The following DISC1 variants were observed in gnomAD, a reference collection of about 807,000 sequenced individuals.
DISC1 encodes the protein disrupted in schizophrenia 1 protein.
Under a neutral mutation model 84.5 loss-of-function variants are expected in DISC1, and 57 were observed. The ratio of observed to expected loss-of-function variants is 0.67; its 90% CI spans 0.55 to 0.84. The LOEUF is 0.84. Among genes scored for constraint, DISC1 ranks in the 40% least tolerant of loss-of-function variants. The pLI is 0.00. For synonymous variants in DISC1, 411 were observed against 415.2 expected (o/e 0.99, Z 0.12); for missense variants, 1,000 against 1,057.8 (o/e 0.95, Z 0.76).
At chr1:231,639,585 G>A (rs2059464622) in intron 1 of DISC1, among the ~76,000 whole-genome samples, 1 of 152,222 alleles carries the variant, frequency 6.6e-6, no homozygotes, top group African/African-American at 2.4e-5. Context: ...ACAACCGGCT[G>A]AGTGGCCAGG....
At chr1:231,739,284 C>A (rs1456617103) in intron 3 of DISC1, among the ~76,000 whole-genome samples, 1 of 152,186 alleles carries the variant, frequency 6.6e-6, no homozygotes, top group Non-Finnish European at 1.5e-5. Flanking sequence ...TATGAACATT[C>A]TCCAATAATC....
chr1:232,009,694 T>G lies in DISC1; in HGVS notation c.2307+645T>G. 1.4e-6 allele frequency: 1 copy of G among 732,714 alleles called. No individual in the cohort carries two copies. Among genetic ancestry groups the G allele is most frequent in the South Asian group, 6.2e-5 (1 of 16,030 alleles). The allele number at this position is 732,714 out of a possible 1,614,324, so 45.4% of individuals were successfully genotyped here. A position where few individuals can be genotyped will look rare whatever the true frequency, so the allele number is the denominator to read the frequency against. Reference sequence around the variant, plus strand: ...CCCCTCTTTCCTCTCTCCCTTCCCCTTCCACTCCTCACTTTCCTCCTCCCA... The same window carrying G: ...CCCCTCTTTCCTCTCTCCCTTCCCCGTCCACTCCTCACTTTCCTCCTCCCA... On this transcript the variant is annotated intron_variant, in intron 11 of 12. Coordinates refer to ENST00000439617, the MANE Select transcript of DISC1 (RefSeq NM_018662.3). The surrounding 1 kb of genome is among the most constrained non-coding windows in gnomAD (Gnocchi z 4.6).
intron 7 of DISC1, among the ~76,000 whole-genome samples, chr1:231,799,280 T>C (rs2078999466): frequency 6.6e-6 from 1 of 152,174 alleles, no homozygotes; most frequent in Admixed American, 6.6e-5. Flanking sequence ...AGCAAGTATC[T>C]ATCTGCCTTC....
chr1:231,664,012 C>G (rs540465762), intron 1 of DISC1, among the ~76,000 whole-genome samples: 1 of 150,238 alleles, frequency 6.7e-6, no homozygotes, highest in African/African-American at 2.5e-5. Context: ...TGTGCTAATG[C>G]CATATCTATC....
intron 10 of DISC1, among the ~76,000 whole-genome samples, chr1:231,985,044 G>A (rs1414841460): frequency 1.3e-5 from 2 of 152,218 alleles, no homozygotes; most frequent in African/African-American, 4.8e-5. Flanking sequence ...AAGTAGGCCG[G>A]CCATGGTGGC....
intron 3 of DISC1, among the ~76,000 whole-genome samples, chr1:231,749,549 A>AT (rs561105188): frequency 5.3e-5 from 8 of 152,110 alleles, no homozygotes; most frequent in Non-Finnish European, 8.8e-5. Flanking sequence ...TTGGGCACTG[A>AT]TTTTTTTTAA....
Position 232,038,603 on chromosome 1 carries a change from A to G in DISC1, c.*1772A>G, listed in dbSNP as rs1395236797. 2 of 152,128 alleles carry G rather than the reference A, an allele frequency of 1.3e-5. No individual in the cohort carries two copies. The highest frequency in any genetic ancestry group is 1.3e-4 in the Admixed American group (2 of 15,264). 9.4% of individuals were successfully genotyped at this position (152,128 alleles called of 1,614,324 possible). A position where few individuals can be genotyped will look rare whatever the true frequency, so the allele number is the denominator to read the frequency against. Reference sequence around the variant, plus strand: ...AATTTTTTTCATGTAACTCCTATTCATATCCCATAGATCTAGTATTGTACA... The same window carrying G: ...AATTTTTTTCATGTAACTCCTATTCGTATCCCATAGATCTAGTATTGTACA... On this transcript the variant is annotated 3_prime_UTR_variant, in exon 13 of 13. Transcript: ENST00000439617.
At chr1:231,984,876 A>C (rs1664174736) in intron 10 of DISC1, among the ~76,000 whole-genome samples, 1 of 152,152 alleles carries the variant, frequency 6.6e-6, no homozygotes, top group South Asian at 2.1e-4. Context: ...ACATGAACTG[A>C]ACGGGGTTTG....
chr1:231,762,504 G>A (rs1029487990), intron 4 of DISC1, among the ~76,000 whole-genome samples: 1 of 78,812 alleles, frequency 1.3e-5, no homozygotes, highest in African/African-American at 4.5e-5. Flanking sequence ...CTAATTTTTA[G>A]TTTTGTTTTG....
intron 3 of DISC1, among the ~76,000 whole-genome samples, chr1:231,728,370 G>A (rs188196843): frequency 1.3e-5 from 2 of 152,330 alleles, no homozygotes; most frequent in Non-Finnish European, 2.9e-5. Flanking sequence ...TGTTCGGGAG[G>A]CAGCCGCCAA....
chr1:231,750,501 G>C (rs1311548474), intron 4 of DISC1: 2 of 995,786 alleles, frequency 2.0e-6, no homozygotes, highest in African/African-American at 3.5e-5. Flanking sequence ...TCCAGCTCCT[G>C]AGCAACATTT....
At chr1:231,757,946 C>A (rs545293791) in intron 4 of DISC1, among the ~76,000 whole-genome samples, 10 of 149,906 alleles carry the variant, frequency 6.7e-5, no homozygotes, top group Admixed American at 6.7e-4. Context: ...CTCAGGCACC[C>A]AACAGGTTTA....
intron 9 of DISC1, among the ~76,000 whole-genome samples, chr1:231,883,867 G>T (rs964917736): frequency 1.3e-5 from 2 of 152,122 alleles, no homozygotes; most frequent in Non-Finnish European, 2.9e-5. Context: ...CTAGAATTCT[G>T]CCAGCCTCAC....
chr1:231,942,424 G>A (rs1302038231), intron 9 of DISC1, among the ~76,000 whole-genome samples: 1 of 152,192 alleles, frequency 6.6e-6, no homozygotes, highest in Non-Finnish European at 1.5e-5. Context: ...AGCACTTTGG[G>A]AGGCCAAGGC....
At position 231,725,408 on chromosome 1, in the gene DISC1, C is replaced by T. The variant is rs140199458; in HGVS notation, c.1117+23384C>T. Among the ~76,000 whole-genome samples the T allele has an allele frequency of 5.0e-3, 764 of 152,276 alleles. 4 individuals carry two copies. The highest frequency in any genetic ancestry group is 8.0e-3 in the Admixed American group (123 of 15,302). On this transcript the variant is annotated intron_variant, in intron 3 of 12. Coordinates refer to ENST00000439617, the MANE Select transcript of DISC1 (RefSeq NM_018662.3). ...TATTGCTCATTAGCATAAGACATCCCACCAGCCCCATGACAGCTTACAAAT... is the reference window on the plus strand; with the variant it reads ...TATTGCTCATTAGCATAAGACATCCTACCAGCCCCATGACAGCTTACAAAT...
intron 12 of DISC1, among the ~76,000 whole-genome samples, chr1:232,033,846 T>C (rs978896525): frequency 6.6e-6 from 1 of 152,168 alleles, no homozygotes; most frequent in African/African-American, 2.4e-5. Flanking sequence ...GTATGGAAAA[T>C]AAAGCTGTTT....
intron 3 of DISC1, among the ~76,000 whole-genome samples, chr1:231,717,840 TAA>T (rs574663073): frequency 1.8e-4 from 27 of 152,060 alleles, no homozygotes; most frequent in African/African-American, 6.5e-4. Flanking sequence ...TCTTCATTAA[TAA>T]AAAAAAGACT....
At chr1:231,919,991 G>A (rs144644081) in intron 9 of DISC1, among the ~76,000 whole-genome samples, 7 of 152,186 alleles carry the variant, frequency 4.6e-5, no homozygotes, top group East Asian at 3.9e-4. Context: ...CACTATTGAC[G>A]TTTTAGACCA....
chr1:231,956,537 A>G (rs544204467), intron 9 of DISC1, among the ~76,000 whole-genome samples: 2 of 152,096 alleles, frequency 1.3e-5, no homozygotes, highest in Admixed American at 6.5e-5. Flanking sequence ...CTGTAGGTCA[A>G]TCTCATTTTT....
Sources: gnomAD v4.1 joint callset for allele counts (sites outside exome capture counted in the v4.1 genomes callset) on GRCh38, gnomAD v4.1.1 for gene constraint, Gnocchi (gnomAD v3.1) non-coding constraint, MANE v1.5 for transcripts, NCBI Gene and HGNC (gene_info 2026-07-23, HGNC 2026-07-21) for gene names.